RHBDL2: variants seen among roughly 807,000 people sequenced by gnomAD.
RHBDL2 encodes rhomboid-related protein 2.
RHBDL2 carries 26 observed loss-of-function variants against 31.7 expected under a neutral mutation model. That is an observed-to-expected ratio of 0.82 (90% confidence interval 0.60 to 1.14). RHBDL2 has a LOEUF of 1.14. Among genes scored for constraint, RHBDL2 ranks in the 50% most tolerant of loss-of-function variants. The pLI is 0.00. For synonymous variants in RHBDL2, 123 were observed against 127.2 expected (o/e 0.97, Z 0.22); for missense variants, 336 against 364.4 (o/e 0.92, Z 0.63).
At chr1:38,897,723 A>C (rs1376590249) in intron 4 of RHBDL2, among the ~76,000 whole-genome samples, 1 of 152,130 alleles carries the variant, frequency 6.6e-6, no homozygotes, top group Admixed American at 6.5e-5. Context: ...CCTCACCCCC[A>C]CACACAAAAG....
chr1:38,905,788 CCAGG>C (rs1643057522), intron 4 of RHBDL2, among the ~76,000 whole-genome samples: 2 of 150,216 alleles, frequency 1.3e-5, no homozygotes, highest in Admixed American at 1.3e-4. Context: ...GTGGCTCAGG[CCAGG>C]CATAGTTGCT....
intron 7 of RHBDL2, among the ~76,000 whole-genome samples, chr1:38,887,093 A>G (rs1407578660): frequency 6.6e-6 from 1 of 151,940 alleles, no homozygotes; most frequent in Non-Finnish European, 1.5e-5. Context: ...CACAAGAAAT[A>G]CCCAAACAGA....
chr1:38,933,060 C>A (rs1643455366), intron 1 of RHBDL2, among the ~76,000 whole-genome samples: 1 of 152,170 alleles, frequency 6.6e-6, no homozygotes, highest in African/African-American at 2.4e-5. Context: ...TTCCCATTGT[C>A]TTTGGGATAG....
At chr1:38,926,193 G>A in intron 1 of RHBDL2, 1 of 1,091,366 alleles carries the variant, frequency 9.2e-7, no homozygotes, top group Non-Finnish European at 1.1e-6. Context: ...GGCTGGAGGT[G>A]AGGATGGAAA....
At chr1:38,908,554 C>A in intron 4 of RHBDL2, among the ~76,000 whole-genome samples, 1 of 146,986 alleles carries the variant, frequency 6.8e-6, no homozygotes, top group East Asian at 2.0e-4. Flanking sequence ...TCATATATCA[C>A]TACCCACTTA....
At chr1:38,914,910 TC>T (rs1371562907) in intron 3 of RHBDL2, among the ~76,000 whole-genome samples, 1 of 150,440 alleles carries the variant, frequency 6.6e-6, no homozygotes, top group East Asian at 2.1e-4. Flanking sequence ...GTGCCTGTAA[TC>T]CCAGCTACTC....
At chr1:38,939,223 C>T (rs1643538596) in intron 1 of RHBDL2, among the ~76,000 whole-genome samples, 1 of 152,168 alleles carries the variant, frequency 6.6e-6, no homozygotes, top group Non-Finnish European at 1.5e-5. Flanking sequence ...TTGGGGAATG[C>T]TGATGCCCTT....
chr1:38,904,814 G>A (rs1001767171), intron 4 of RHBDL2, among the ~76,000 whole-genome samples: 3 of 140,640 alleles, frequency 2.1e-5, no homozygotes, highest in Non-Finnish European at 3.1e-5. Context: ...GGCGGATCAC[G>A]AGGTCAGGAT....
intron 1 of RHBDL2, among the ~76,000 whole-genome samples, chr1:38,938,879 C>T (rs6600278): frequency 0.96 from 145,689 of 152,306 alleles, 69,694 homozygotes; most frequent in African/African-American, 0.97. Flanking sequence ...ACAGGGCTTC[C>T]GCATTATTCA....
intron 3 of RHBDL2, among the ~76,000 whole-genome samples, chr1:38,914,648 G>T (rs1448410271): frequency 1.3e-5 from 2 of 152,006 alleles, no homozygotes; most frequent in East Asian, 3.9e-4. Flanking sequence ...AGACAACTAG[G>T]GGAACATGCT....
intron 3 of RHBDL2, among the ~76,000 whole-genome samples, 195 bp from the exon 4 acceptor site, chr1:38,911,629 T>C (rs865890950): frequency 1.6e-5 from 2 of 121,960 alleles, no homozygotes; most frequent in Admixed American, 8.7e-5. Context: ...TGTGTGTGTG[T>C]GTGTGTGTGT....
chr1:38,902,662 C>T (rs192679257), intron 4 of RHBDL2, among the ~76,000 whole-genome samples: 6 of 152,056 alleles, frequency 3.9e-5, no homozygotes, highest in East Asian at 1.9e-4. Context: ...CCTGATGATC[C>T]GCCCACCTCG....
chr1:38,898,002 A>ATGTG (rs1642942252), intron 4 of RHBDL2, among the ~76,000 whole-genome samples: 2 of 152,106 alleles, frequency 1.3e-5, no homozygotes, highest in South Asian at 4.1e-4. Context: ...ATGGTGGCAG[A>ATGTG]CACCTGTAAT....
intron 4 of RHBDL2, among the ~76,000 whole-genome samples, chr1:38,908,957 C>G (rs977318138): frequency 6.6e-6 from 1 of 152,154 alleles, no homozygotes; most frequent in Admixed American, 6.6e-5. Flanking sequence ...ATGGGGTAGC[C>G]AGAAGGCGGA....
rs1461230360 is a variant in RHBDL2, at chr1:38,895,847, A to G, written c.609+122T>C. 6 of 656,460 alleles carry G rather than the reference A, an allele frequency of 9.1e-6. No homozygotes were observed. The East Asian group carries it at 1.6e-4, about 18-fold the overall frequency. The allele number at this position is 656,460 out of a possible 1,614,324, so 40.7% of individuals were successfully genotyped here. A position where few individuals can be genotyped will look rare whatever the true frequency, so the allele number is the denominator to read the frequency against. On this transcript the variant is annotated intron_variant, in intron 5 of 7. Coordinates refer to ENST00000372990, the MANE Select transcript of RHBDL2 (RefSeq NM_017821.5). ...AAAGGAAACAAAATGGCATTGCCATACAATTCTCAGAAAATTGAGTGCTCA... is the reference window on the plus strand; with the variant it reads ...AAAGGAAACAAAATGGCATTGCCATGCAATTCTCAGAAAATTGAGTGCTCA...
At chr1:38,904,315 A>C (rs555651021) in intron 4 of RHBDL2, among the ~76,000 whole-genome samples, 201 of 150,092 alleles carry the variant, frequency 1.3e-3, no homozygotes, top group African/African-American at 4.9e-3. Flanking sequence ...CTAAAAATAC[A>C]AAAAAAAATT....
In RHBDL2 at chr1:38,885,823, T is replaced by C. The variant is rs1642775468; in HGVS notation, c.*681A>G. ...AGTCTGACACAGGTATAAAAAGTTT[T>C]TATTATCAGCATTGTACAGTATTCA... On this transcript the variant is annotated 3_prime_UTR_variant, in exon 8 of 8. Transcript: ENST00000372990. The C allele has an allele frequency of 6.5e-6, 1 of 152,684 alleles. No homozygotes were observed. Among genetic ancestry groups the C allele is most frequent in the Non-Finnish European group, 1.5e-5 (1 of 68,050 alleles). The allele number at this position is 152,684 out of a possible 1,614,324, so 9.5% of individuals were successfully genotyped here.
intron 1 of RHBDL2, among the ~76,000 whole-genome samples, chr1:38,934,570 C>A (rs1404101429): frequency 2.1e-5 from 3 of 144,800 alleles, no homozygotes; most frequent in Non-Finnish European, 3.0e-5. Context: ...GTAGGAGAAT[C>A]GCTTGAACCC....
intron 1 of RHBDL2, among the ~76,000 whole-genome samples, chr1:38,923,726 G>C (rs1643341923): frequency 1.3e-5 from 2 of 152,290 alleles, no homozygotes; most frequent in South Asian, 4.1e-4. Context: ...CATTTACTTG[G>C]CACTCGAGCA....
Sources: gnomAD v4.1 joint callset for allele counts (sites outside exome capture counted in the v4.1 genomes callset) on GRCh38, gnomAD v4.1.1 for gene constraint, MANE v1.5 for transcripts, NCBI Gene and HGNC (gene_info 2026-07-23, HGNC 2026-07-21) for gene names.